THSD4: variants seen among roughly 807,000 people sequenced by gnomAD.
The protein encoded by THSD4 is thrombospondin type-1 domain-containing protein 4.
In THSD4, 69 loss-of-function variants were observed where a neutral mutation model predicts 119.0. The ratio of observed to expected loss-of-function variants is 0.58; its 90% CI spans 0.48 to 0.71. The LOEUF (loss-of-function observed/expected upper bound fraction) is 0.71, where lower values mean the gene tolerates loss of function less well. Ranked by LOEUF, THSD4 falls within the 30% of genes least tolerant of loss-of-function variation. THSD4 has a pLI of 0.00. For synonymous variants in THSD4, 524 were observed against 540.4 expected (o/e 0.97, Z 0.42); for missense variants, 1,393 against 1,391.1 (o/e 1.00, Z -0.02).
chr15:71,131,301 A>G (rs2040501848), intron 1 of THSD4, among the ~76,000 whole-genome samples: 1 of 151,998 alleles, frequency 6.6e-6, no homozygotes, highest in African/African-American at 2.4e-5. Flanking sequence ...TATTTATTTA[A>G]TAATTATAAA....
chr15:71,324,680 A>G (rs2045317260), intron 6 of THSD4, among the ~76,000 whole-genome samples: 1 of 152,172 alleles, frequency 6.6e-6, no homozygotes, highest in South Asian at 2.1e-4. Flanking sequence ...TGGTGTATAT[A>G]TACCACATTT....
intron 13 of THSD4, 82 bp from the exon 14 acceptor site, chr15:71,748,339 A>T: frequency 6.5e-7 from 1 of 1,546,130 alleles, no homozygotes; most frequent in South Asian, 1.2e-5. Context: ...GGCTGATCAC[A>T]AAGGCTGCGG....
intron 6 of THSD4, among the ~76,000 whole-genome samples, chr15:71,302,922 T>G (rs938361605): frequency 1.3e-5 from 2 of 152,088 alleles, no homozygotes; most frequent in Admixed American, 6.6e-5. Flanking sequence ...CTTGCAGTCA[T>G]CTACATACTT....
chr15:71,456,882 T>C (rs1458851185), intron 7 of THSD4, among the ~76,000 whole-genome samples: 1 of 152,218 alleles, frequency 6.6e-6, no homozygotes, highest in Non-Finnish European at 1.5e-5. Flanking sequence ...ATGAGGGTTC[T>C]GGGGAAGTAC....
At chr15:71,563,185 TTA>T (rs1245641390) in intron 7 of THSD4, among the ~76,000 whole-genome samples, 2 of 152,100 alleles carry the variant, frequency 1.3e-5, no homozygotes, top group Non-Finnish European at 2.9e-5. Flanking sequence ...CAGCGCATGT[TTA>T]GTGAACCTTT....
At chr15:71,582,027 T>G (rs896005083) in intron 7 of THSD4, among the ~76,000 whole-genome samples, 2 of 152,168 alleles carry the variant, frequency 1.3e-5, no homozygotes, top group African/African-American at 2.4e-5. Flanking sequence ...TAGGATTGTT[T>G]TTCAGTTTCT....
intron 7 of THSD4, among the ~76,000 whole-genome samples, chr15:71,584,230 T>A (rs918516736): frequency 5.3e-5 from 8 of 151,484 alleles, no homozygotes; most frequent in African/African-American, 1.9e-4. Flanking sequence ...TCTTTTTTGG[T>A]TACCATTCAC....
rs2040570465 is a variant in THSD4, at chr15:71,138,442, A to G, written c.-79-3007A>G. Among the ~76,000 whole-genome samples the G allele has an allele frequency of 2.6e-5, 4 of 152,114 alleles. No individual in the cohort carries two copies. In the South Asian group the frequency reaches 8.3e-4, roughly 32 times the overall value. On this transcript the variant is annotated intron_variant, in intron 1 of 17. Coordinates refer to ENST00000261862, the MANE Select transcript of THSD4 (RefSeq NM_024817.3). ...AGAACCAAACATTGTCAACCACAAA[A>G]TCTCCATTTGCTCCTTCTGTCCCCC...
intron 6 of THSD4, among the ~76,000 whole-genome samples, chr15:71,359,354 A>G (rs756238483): frequency 3.3e-5 from 5 of 152,222 alleles, no homozygotes; most frequent in Non-Finnish European, 5.9e-5. Flanking sequence ...AGTACCTTCT[A>G]TTTAGCAAAA....
chr15:71,669,376 A>T (rs1318240450), intron 8 of THSD4, among the ~76,000 whole-genome samples: 1 of 151,978 alleles, frequency 6.6e-6, no homozygotes, highest in African/African-American at 2.4e-5. Context: ...TTACATTTCA[A>T]CTCTGCTTAA....
intron 7 of THSD4, among the ~76,000 whole-genome samples, chr15:71,447,531 C>G (rs2047202610): frequency 6.6e-6 from 1 of 152,184 alleles, no homozygotes; most frequent in South Asian, 2.1e-4. Flanking sequence ...TGCCTTCTGA[C>G]AAGTTAATAC....
Position 71,265,600 on chromosome 15 carries a change from G to A in THSD4, c.1015+8885G>A, listed in dbSNP as rs1304753447. 3.3e-5 allele frequency among the ~76,000 whole-genome samples: 5 copies of A among 152,090 alleles called. No individual in the cohort carries two copies. In the East Asian group the frequency reaches 9.7e-4, roughly 29 times the overall value. On this transcript the variant is annotated intron_variant, in intron 6 of 17. Transcript: ENST00000261862. ...CCAGTGGCGCCTGGAATGCCAGTGA[G>A]ACAAAACTGTTCACTCCCCTGGAAA... is the stretch of plus-strand genomic sequence containing the variant.
At chr15:71,423,701 G>A (rs1566977550) in intron 7 of THSD4, among the ~76,000 whole-genome samples, 1 of 152,126 alleles carries the variant, frequency 6.6e-6, no homozygotes, top group Non-Finnish European at 1.5e-5. Context: ...ACTAGGTTTC[G>A]TGCCCCCCAA....
intron 16 of THSD4, among the ~76,000 whole-genome samples, chr15:71,770,360 A>G (rs2140243392): frequency 6.6e-6 from 1 of 151,480 alleles, no homozygotes; most frequent in Non-Finnish European, 1.5e-5. Context: ...AAAAAAAAAA[A>G]AAAAAAAATC....
Position 71,748,672 on chromosome 15 carries a change from A to G in THSD4, c.2415+78A>G, listed in dbSNP as rs555593628. ...CAAAACCACACAAAGATGAGTCACT[A>G]GCTCAGAATCCCAAGACTGATTTCT... On this transcript the variant is annotated intron_variant, in intron 14 of 17. Coordinates refer to ENST00000261862, the MANE Select transcript of THSD4 (RefSeq NM_024817.3). 2.8e-4 allele frequency: 427 copies of G among 1,526,904 alleles called. 1 individual carries two copies. The highest frequency in any genetic ancestry group is 3.4e-4 in the Non-Finnish European group (383 of 1,129,724). The allele number at this position is 1,526,904 out of a possible 1,614,324, so 94.6% of individuals were successfully genotyped here. A position where few individuals can be genotyped will look rare whatever the true frequency, so the allele number is the denominator to read the frequency against.
intron 7 of THSD4, among the ~76,000 whole-genome samples, chr15:71,656,326 ACT>A (rs1165525889): frequency 1.3e-5 from 2 of 152,140 alleles, no homozygotes; most frequent in African/African-American, 4.8e-5. Flanking sequence ...GACCACCGAA[ACT>A]CTCTGCGCTC....
intron 7 of THSD4, among the ~76,000 whole-genome samples, chr15:71,527,434 A>G (rs1051981138): frequency 2.0e-5 from 3 of 152,208 alleles, no homozygotes; most frequent in African/African-American, 4.8e-5. Flanking sequence ...TGACAACAGA[A>G]GGAAGTTTTT....
rs140321309 is a variant in THSD4, at chr15:71,481,384, T to C, written c.1152+69561T>C. 2.8e-3 allele frequency among the ~76,000 whole-genome samples: 429 copies of C among 152,354 alleles called. 2 individuals are homozygous for C. The highest frequency in any genetic ancestry group is 0.01 in the African/African-American group (416 of 41,580). ...ATGTATATAAAACTTTGAGAATTTC[T>C]GGGATGATGAAGTTTTTAAAAATAG... On this transcript the variant is annotated intron_variant, in intron 7 of 17. Coordinates refer to ENST00000261862, the MANE Select transcript of THSD4 (RefSeq NM_024817.3).
At chr15:71,388,663 AGTGTGT>A (rs55923750) in intron 6 of THSD4, among the ~76,000 whole-genome samples, 1 of 134,230 alleles carries the variant, frequency 7.4e-6, no homozygotes, top group Admixed American at 8.0e-5. Context: ...CTTTGGAGAG[AGTGTGT>A]GTGTGTGTGT....
Sources: allele counts gnomAD v4.1 joint callset (sites outside exome capture counted in the v4.1 genomes callset), GRCh38; gene constraint gnomAD v4.1.1; transcripts MANE v1.5; gene names NCBI Gene and HGNC (gene_info 2026-07-23, HGNC 2026-07-21).